Variants in KIF15 observed in about 807,000 individuals in gnomAD.
KIF15 encodes kinesin-like protein KIF15.
KIF15 carries 140 observed loss-of-function variants against 190.6 expected under a neutral mutation model. That is an observed-to-expected ratio of 0.73 (90% CI 0.64 to 0.84). The LOEUF (loss-of-function observed/expected upper bound fraction) is 0.84. Among genes scored for constraint, KIF15 ranks in the 40% least tolerant of loss-of-function variants. The pLI is 0.00. For synonymous variants in KIF15, 528 were observed against 551.3 expected (o/e 0.96, Z 0.59); for missense variants, 1,372 against 1,584.4 (o/e 0.87, Z 2.28).
rs751767373 is a variant in KIF15 at position 44,768,393 on chromosome 3, G to A, written c.20-6002G>A. Among the ~76,000 whole-genome samples the A allele has an allele frequency of 7.2e-5, 11 of 152,112 alleles. No individual in the cohort carries two copies. In the South Asian group the frequency reaches 2.3e-3, roughly 32 times the overall value. ...GAAAAATCAGGCACGCGGACACATC[G>A]AAAGATGAGGAGAGTGGAATTTATT... On this transcript the variant is annotated intron_variant, in intron 1 of 34. Coordinates refer to ENST00000326047, the MANE Select transcript of KIF15 (RefSeq NM_020242.3).
Position 44,840,565 on chromosome 3 carries a change from C to G in KIF15, c.3420+109C>G, listed in dbSNP as rs1698542456. ...TTGTCTTTTTAAAGAAAAAGATTTT[C>G]ACTAATACCCTCTGTCTGCTTTTTA... On this transcript the variant is annotated intron_variant, in intron 28 of 34. Coordinates refer to ENST00000326047, the MANE Select transcript of KIF15 (RefSeq NM_020242.3). The G allele has an allele frequency of 8.0e-6, 5 of 622,170 alleles. No individual in the cohort carries two copies. In the Admixed American group the frequency reaches 1.4e-4, roughly 17 times the overall value. 38.5% of individuals were successfully genotyped at this position (622,170 alleles called of 1,614,324 possible).
intron 7 of KIF15, among the ~76,000 whole-genome samples, chr3:44,787,528 T>TC (rs1332289796): frequency 1.3e-5 from 2 of 151,994 alleles, no homozygotes; most frequent in East Asian, 1.9e-4. Context: ...AAATTGAGAC[T>TC]CCCCCCGGCG....
chr3:44,790,207 T>C (rs1403220194), intron 7 of KIF15, among the ~76,000 whole-genome samples: 1 of 151,996 alleles, frequency 6.6e-6, no homozygotes, highest in Non-Finnish European at 1.5e-5. Context: ...AGACGGAGTC[T>C]CACTCTCTCT....
intron 1 of KIF15, among the ~76,000 whole-genome samples, chr3:44,763,325 CAG>C (rs1182127410): frequency 6.6e-6 from 1 of 152,168 alleles, no homozygotes; most frequent in Non-Finnish European, 1.5e-5. Flanking sequence ...ATTTTTGAGA[CAG>C]AGTCTTGCTC....
At position 44,806,133 on chromosome 3, in the gene KIF15, TGCTAGCAATCC is replaced by T. The variant is rs927323282; in HGVS notation, c.1971+148_1971+158del. ...GGTGTCACACTGGTCTTTGGGTTAC[TGCTAGCAATCC>T]CACTGATGTATCCCCCCAGTGGTAG... On this transcript the variant is annotated intron_variant, in intron 16 of 34. Coordinates refer to ENST00000326047, the MANE Select transcript of KIF15 (RefSeq NM_020242.3). 3.6e-5 allele frequency: 30 copies of T among 832,114 alleles called. No homozygotes were observed. In the African/African-American group the frequency reaches 4.9e-4, roughly 14 times the overall value. 51.5% of individuals were successfully genotyped at this position (832,114 alleles called of 1,614,324 possible). A position where few individuals can be genotyped will look rare whatever the true frequency, so the allele number is the denominator to read the frequency against.
At chr3:44,768,639 T>C (rs1705513908) in intron 1 of KIF15, among the ~76,000 whole-genome samples, 1 of 152,122 alleles carries the variant, frequency 6.6e-6, no homozygotes, top group African/African-American at 2.4e-5. Context: ...CTGTCTCCTG[T>C]CTCTATCATT....
At chr3:44,786,648 T>G in intron 7 of KIF15, 74 bp downstream of exon 7, 1 of 1,299,562 alleles carries the variant, frequency 7.7e-7, no homozygotes. Context: ...CTCCAAAAAG[T>G]GACAATTGAG....
At chr3:44,820,104 C>T (rs945647705) in intron 20 of KIF15, among the ~76,000 whole-genome samples, 11 of 152,044 alleles carry the variant, frequency 7.2e-5, no homozygotes, top group Non-Finnish European at 1.2e-4. Flanking sequence ...CTTGGTAGAT[C>T]TTCCTCCATC....
chr3:44,830,029 A>G lies in KIF15; in HGVS notation c.3002A>G (p.Lys1001Arg), dbSNP rs761493663. ...IQELRTSVCE[K>R]TETIDTLKQE... Reference sequence around the variant, plus strand: ...GAGCTAAGAACATCGGTCTGTGAGAAAACAGAAACTATAGACACCCTGAAA... The same window carrying G: ...GAGCTAAGAACATCGGTCTGTGAGAGAACAGAAACTATAGACACCCTGAAA... Residue 1001 changes from lysine to arginine, a missense_variant, in exon 25 of 35, where the codon AAA becomes AGA. Coordinates refer to ENST00000326047, the MANE Select transcript of KIF15 (RefSeq NM_020242.3). The G allele has an allele frequency of 6.3e-7, 1 of 1,597,362 alleles. No homozygotes were observed.
chr3:44,790,107 T>C (rs1706611503), intron 7 of KIF15, among the ~76,000 whole-genome samples: 1 of 152,138 alleles, frequency 6.6e-6, no homozygotes, highest in Admixed American at 6.6e-5. Flanking sequence ...ATAACAAATA[T>C]GGCGGGCTCA....
intron 5 of KIF15, among the ~76,000 whole-genome samples, chr3:44,781,778 A>G (rs1489798013): frequency 3.3e-5 from 5 of 152,196 alleles, no homozygotes; most frequent in Admixed American, 3.3e-4. Flanking sequence ...TCTATTGACA[A>G]CTGAATACCT....
In KIF15 at chr3:44,805,840, A is replaced by C. The variant is rs779370378; in HGVS notation, c.1830-5A>C. 6.2e-7 allele frequency: 1 copy of C among 1,611,254 alleles called. No individual in the cohort carries two copies. The highest frequency in any genetic ancestry group is 1.1e-5 in the South Asian group (1 of 90,494). ...TGAAATACTCCGTTTTACAATATCT[A>C]TTAGGAAAAGGCAGCTAGAATTGGA... On this transcript the variant is annotated splice_region_variant and splice_polypyrimidine_tract_variant and intron_variant, in intron 15 of 34. Coordinates refer to ENST00000326047, the MANE Select transcript of KIF15 (RefSeq NM_020242.3).
At chr3:44,866,310 G>A (rs1283030108) in intron 6 of KIF15, among the ~76,000 whole-genome samples, 1 of 152,072 alleles carries the variant, frequency 6.6e-6, no homozygotes, top group Non-Finnish European at 1.5e-5. Flanking sequence ...CTGACCTCGT[G>A]ATCTGCCCGC....
intron 7 of KIF15, among the ~76,000 whole-genome samples, chr3:44,791,911 G>T (rs944794092): frequency 6.6e-6 from 1 of 151,988 alleles, no homozygotes; most frequent in African/African-American, 2.4e-5. Context: ...TAGAGACGGG[G>T]TTTCACCATG....
At chr3:44,815,299 A>T (rs76424826) in intron 20 of KIF15, among the ~76,000 whole-genome samples, 2,839 of 152,334 alleles carry the variant, frequency 0.019, 75 homozygotes, top group African/African-American at 0.063. Context: ...AGCTATGCTC[A>T]GTTCTATGTG....
chr3:44,865,883 T>C (rs1699316512), intron 6 of KIF15, among the ~76,000 whole-genome samples: 4 of 152,176 alleles, frequency 2.6e-5, no homozygotes, highest in Admixed American at 2.6e-4. Context: ...TTCATTCTCC[T>C]GGTGCTCTCA....
chr3:44,815,806 A>G (rs937108333), intron 20 of KIF15, among the ~76,000 whole-genome samples: 6 of 152,174 alleles, frequency 3.9e-5, no homozygotes, highest in Non-Finnish European at 7.4e-5. Flanking sequence ...TCCTGTGTCT[A>G]TAAGCCATAA....
intron 25 of KIF15, among the ~76,000 whole-genome samples, chr3:44,830,598 G>A (rs1308006178): frequency 2.0e-5 from 3 of 152,114 alleles, no homozygotes; most frequent in Admixed American, 1.3e-4. Context: ...GGGTCGAGGC[G>A]AAGGCTTTTG....
At chr3:44,772,099 G>C (rs1178368973) in intron 1 of KIF15, among the ~76,000 whole-genome samples, 1 of 152,052 alleles carries the variant, frequency 6.6e-6, no homozygotes, top group Non-Finnish European at 1.5e-5. Flanking sequence ...CTTGTTTATA[G>C]AGATCACACA....
Sources: allele counts gnomAD v4.1 joint callset (sites outside exome capture counted in the v4.1 genomes callset), GRCh38; gene constraint gnomAD v4.1.1; transcripts MANE v1.5; gene names NCBI Gene and HGNC (gene_info 2026-07-23, HGNC 2026-07-21).